Variants in EAPP observed in about 807,000 individuals in gnomAD.
EAPP encodes E2F-associated phosphoprotein.
Under a neutral mutation model 34.3 loss-of-function variants are expected in EAPP, and 38 were observed. The observed-to-expected ratio is 1.11, with a 90% CI of 0.85 to 1.45. The LOEUF (loss-of-function observed/expected upper bound fraction) is 1.45. Among genes scored for constraint, EAPP ranks in the 40% most tolerant of loss-of-function variants. The probability of loss-of-function intolerance (pLI) is 0.00; values close to 1 mark genes in which losing one functional copy is unlikely to be tolerated. For synonymous variants in EAPP, 113 were observed against 117.6 expected (o/e 0.96, Z 0.25); for missense variants, 338 against 343.7 (o/e 0.98, Z 0.13).
intron 1 of EAPP, among the ~76,000 whole-genome samples, chr14:34,538,571 C>T (rs1880551963): frequency 6.9e-6 from 1 of 144,030 alleles, no homozygotes; most frequent in South Asian, 2.3e-4. Context: ...TATGAGGAAA[C>T]ATTGTTCTTT....
intron 1 of EAPP, among the ~76,000 whole-genome samples, chr14:34,537,534 T>C (rs751066906): frequency 6.6e-6 from 1 of 152,222 alleles, no homozygotes; most frequent in African/African-American, 2.4e-5. Flanking sequence ...TGCAAGGTTC[T>C]GACCACTGTT....
intron 4 of EAPP, among the ~76,000 whole-genome samples, chr14:34,525,802 G>C (rs908735154): frequency 6.7e-6 from 1 of 148,788 alleles, no homozygotes; most frequent in East Asian, 2.1e-4. Flanking sequence ...GGCGGATCAC[G>C]AAGTCAAGAG....
chr14:34,533,317 G>A (rs1422759432), intron 3 of EAPP, 127 bp downstream of exon 3: 2 of 744,392 alleles, frequency 2.7e-6, no homozygotes, highest in East Asian at 2.8e-5. Context: ...TTACAGGTGT[G>A]AGCCACCATG....
intron 5 of EAPP, among the ~76,000 whole-genome samples, chr14:34,523,145 A>C (rs987574832): frequency 2.6e-5 from 4 of 151,784 alleles, no homozygotes. Flanking sequence ...ACTGGTGGTG[A>C]TAGCTTCAGT....
chr14:34,537,795 C>T (rs1232815071), intron 1 of EAPP, among the ~76,000 whole-genome samples: 1 of 152,218 alleles, frequency 6.6e-6, no homozygotes, highest in East Asian at 1.9e-4. Context: ...GCTCATGCTG[C>T]TTGCTGTGCT....
intron 3 of EAPP, among the ~76,000 whole-genome samples, chr14:34,529,746 T>A (rs1306642749): frequency 2.0e-5 from 3 of 151,796 alleles, no homozygotes; most frequent in Non-Finnish European, 2.9e-5. Context: ...CCAGGTGCGG[T>A]GGCTCACGCC....
chr14:34,528,415 C>CTTTT (rs1180289298), intron 4 of EAPP, among the ~76,000 whole-genome samples: 6 of 54,050 alleles, frequency 1.1e-4, no homozygotes, highest in African/African-American at 3.4e-4. Flanking sequence ...CCACAAAACC[C>CTTTT]TTTTTTTTTT....
intron 5 of EAPP, among the ~76,000 whole-genome samples, chr14:34,518,770 T>C (rs1317915009): frequency 3.3e-5 from 5 of 152,170 alleles, no homozygotes; most frequent in African/African-American, 4.8e-5. Flanking sequence ...CAGTCCTTGA[T>C]TGTAGTCTGT....
At chr14:34,537,162 C>T (rs1489400086) in intron 1 of EAPP, among the ~76,000 whole-genome samples, 5 of 152,080 alleles carry the variant, frequency 3.3e-5, no homozygotes, top group African/African-American at 1.2e-4. Flanking sequence ...AGATATGCAC[C>T]ACCATACCAG....
At chr14:34,530,721 T>C (rs1236416343) in intron 3 of EAPP, among the ~76,000 whole-genome samples, 1 of 151,462 alleles carries the variant, frequency 6.6e-6, no homozygotes, top group African/African-American at 2.4e-5. Flanking sequence ...TTATTTATGA[T>C]GTATGAATAT....
chr14:34,529,315 T>A, intron 4 of EAPP, 43 bp downstream of exon 4: 1 of 1,387,924 alleles, frequency 7.2e-7, no homozygotes, highest in African/African-American at 1.4e-5. Context: ...CATCTTTCAA[T>A]CTTTTTTTCT....
chr14:34,536,211 C>T lies in EAPP; in HGVS notation c.139G>A (p.Glu47Lys). ...GATTCACTTTCTCCGGTAAGACATT[C>T]TCTGATGAGTTTTCGTTTTTGGTCA... ...TPDQKRKLIRECLTGESESSS... is the reference protein window; with the variant it reads ...TPDQKRKLIRKCLTGESESSS... The change falls in exon 2 of 6, where the codon GAA (glutamate) becomes AAA (lysine). Residue 47 changes from glutamate (E) to lysine (K), a missense_variant. Coordinates refer to ENST00000250454, the MANE Select transcript of EAPP (RefSeq NM_018453.4). The T allele has an allele frequency of 6.2e-7, 1 of 1,612,776 alleles. No homozygotes were observed. The highest frequency in any genetic ancestry group is 8.5e-7 in the Non-Finnish European group (1 of 1,179,632).
Position 34,533,495 on chromosome 14 carries a change from A to C in EAPP, c.301T>G (p.Tyr101Asp), listed in dbSNP as rs369113944. Residue 101 changes from tyrosine to aspartate, a missense_variant, in exon 3 of 6, where the codon TAC (tyrosine) becomes GAC (aspartate). Tyr to Asp is a radical substitution (Grantham distance 160). Coordinates refer to ENST00000250454, the MANE Select transcript of EAPP (RefSeq NM_018453.4). ...GAATCAAAATATATATCATCGTAGT[A>C]CCTTGTCGGAGCTGTTGCAACTTTT... The part of the protein sequence containing the change: ...NGKVATAPTR[Y>D]YDDIYFDSDS... 3.7e-6 allele frequency: 6 copies of C among 1,604,214 alleles called. No homozygotes were observed. The African/African-American group carries it at 8.1e-5, about 22-fold the overall frequency.
intron 5 of EAPP, among the ~76,000 whole-genome samples, chr14:34,517,539 G>A (rs992300130): frequency 3.3e-5 from 5 of 151,880 alleles, no homozygotes; most frequent in South Asian, 2.1e-4. Flanking sequence ...ATGAGCCACC[G>A]TGCCTAGCCT....
At chr14:34,535,437 A>ATTTT (rs71121207) in intron 2 of EAPP, among the ~76,000 whole-genome samples, 108,894 of 134,986 alleles carry the variant, frequency 0.81, 43,882 homozygotes, top group Non-Finnish European at 0.85. Context: ...GTCGCTACAG[A>ATTTT]TTTTTTTTTT....
intron 3 of EAPP, 145 bp from the exon 4 acceptor site, chr14:34,529,620 C>A: frequency 1.6e-6 from 1 of 632,990 alleles, no homozygotes; most frequent in East Asian, 3.0e-5. Context: ...TGGCTCACAC[C>A]TGTAATCCTA....
At chr14:34,522,725 G>A (rs1362988802) in intron 5 of EAPP, among the ~76,000 whole-genome samples, 1 of 152,140 alleles carries the variant, frequency 6.6e-6, no homozygotes, top group Non-Finnish European at 1.5e-5. Context: ...CAAATGAAGT[G>A]GGGGGTGGGT....
chr14:34,538,643 C>T (rs1253756428), intron 1 of EAPP, among the ~76,000 whole-genome samples: 3 of 151,662 alleles, frequency 2.0e-5, no homozygotes, highest in African/African-American at 7.3e-5. Context: ...TCCTTTACTA[C>T]CAGGCTTAAG....
Position 34,536,123 on chromosome 14 carries a change from A to G in EAPP, c.227T>C (p.Met76Thr), listed in dbSNP as rs1293441365. ...EAELNSTMKT[M>T]EDKLSSLGTG... ...TCCCAGAGAGGATAACTTGTCCTCC[A>G]TTGTTTTCATGGTAGAATTTAATTC... Residue 76 changes from methionine to threonine, a missense_variant, in exon 2 of 6, where the codon ATG (methionine) becomes ACG (threonine). Met to Thr is a moderately conservative substitution (Grantham distance 81). Coordinates refer to ENST00000250454, the MANE Select transcript of EAPP (RefSeq NM_018453.4). 7.4e-6 allele frequency: 12 copies of G among 1,611,512 alleles called. No homozygotes were observed. The highest frequency in any genetic ancestry group is 9.3e-6 in the Non-Finnish European group (11 of 1,179,328).
Sources: gnomAD v4.1 joint callset for allele counts (sites outside exome capture counted in the v4.1 genomes callset) on GRCh38, gnomAD v4.1.1 for gene constraint, MANE v1.5 for transcripts, NCBI Gene and HGNC (gene_info 2026-07-23, HGNC 2026-07-21) for gene names.